The following CLASP2 variants were observed in gnomAD, a reference collection of about 807,000 sequenced individuals.
The protein encoded by CLASP2 is cytoplasmic linker associated protein 2, also known as CLIP-associating protein 2.
CLASP2 carries 47 observed loss-of-function variants against 194.4 expected under a neutral mutation model. That is an observed-to-expected ratio of 0.24 (90% CI 0.19 to 0.31). CLASP2 has a LOEUF of 0.31. Ranked by LOEUF, CLASP2 falls within the 10% of genes least tolerant of loss-of-function variation. The pLI is 1.00. For synonymous variants in CLASP2, 619 were observed against 633.5 expected (o/e 0.98, Z 0.34); for missense variants, 1,445 against 1,823.6 (o/e 0.79, Z 3.78).
intron 1 of CLASP2, among the ~76,000 whole-genome samples, chr3:33,715,828 T>C (rs1387844125): frequency 7.6e-6 from 1 of 132,034 alleles, no homozygotes; most frequent in African/African-American, 2.9e-5. Context: ...CAGTTAAGTA[T>C]GTTTTATTGT....
chr3:33,578,480 A>C (rs898739432), intron 23 of CLASP2, among the ~76,000 whole-genome samples: 1 of 152,220 alleles, frequency 6.6e-6, no homozygotes, highest in Non-Finnish European at 1.5e-5. Flanking sequence ...GATATATTAG[A>C]GCAGTTAAAA....
chr3:33,581,792 A>ATT (rs778617585), intron 23 of CLASP2, 29 bp downstream of exon 23: 1 of 1,485,366 alleles, frequency 6.7e-7, no homozygotes, highest in Non-Finnish European at 9.4e-7. Flanking sequence ...TGGATAAGCA[A>ATT]TGCACATAAC....
Position 33,532,830 on chromosome 3 carries a change from A to G in CLASP2, c.3787+2403T>C, listed in dbSNP as rs890178861. ...AGGATCCTCCTGGCTCAGCCTCCTGAGTAGCTGGGACTACTGGCACTGGCT... is the reference window on the plus strand; with the variant it reads ...AGGATCCTCCTGGCTCAGCCTCCTGGGTAGCTGGGACTACTGGCACTGGCT... On this transcript the variant is annotated intron_variant, in intron 34 of 38. Transcript: ENST00000682230. Among the ~76,000 whole-genome samples the G allele has an allele frequency of 2.0e-5, 3 of 152,200 alleles. No individual in the cohort carries two copies. In the East Asian group the frequency reaches 5.8e-4, roughly 29 times the overall value.
chr3:33,710,663 G>A lies in CLASP2; in HGVS notation c.195+7145C>T, dbSNP rs138595909. Among the ~76,000 whole-genome samples, 1,163 of 152,288 alleles carry A rather than the reference G, an allele frequency of 7.6e-3. 17 individuals carry two copies. Among genetic ancestry groups the A allele is most frequent in the African/African-American group, 0.026 (1,066 of 41,560 alleles). On this transcript the variant is annotated intron_variant, in intron 1 of 38. Transcript: ENST00000682230. Reference sequence around the variant, plus strand: ...AATTACCGAGGAGTTGGCCAGGCGCGGTGGCTAACGCCTGTAATCCCAGTA... The same window carrying A: ...AATTACCGAGGAGTTGGCCAGGCGCAGTGGCTAACGCCTGTAATCCCAGTA...
At chr3:33,696,053 C>T (rs978153341) in intron 2 of CLASP2, among the ~76,000 whole-genome samples, 23 of 152,128 alleles carry the variant, frequency 1.5e-4, no homozygotes, top group African/African-American at 5.6e-4. Flanking sequence ...GATCAATCTA[C>T]AGACTGTCTA....
chr3:33,614,441 T>G (rs2075750551), intron 12 of CLASP2, among the ~76,000 whole-genome samples: 1 of 152,116 alleles, frequency 6.6e-6, no homozygotes, highest in Non-Finnish European at 1.5e-5. Context: ...CCATGAAAAT[T>G]AACATAAATT....
chr3:33,531,014 A>G (rs1021585671), intron 34 of CLASP2, among the ~76,000 whole-genome samples: 7 of 152,212 alleles, frequency 4.6e-5, no homozygotes, highest in African/African-American at 1.7e-4. Flanking sequence ...GTGACAGCAA[A>G]TAGTCACAAC....
chr3:33,630,055 T>C (rs2078788031), intron 9 of CLASP2, among the ~76,000 whole-genome samples: 1 of 152,128 alleles, frequency 6.6e-6, no homozygotes, highest in South Asian at 2.1e-4. Flanking sequence ...AATTAATGAC[T>C]TTGGAAACGT....
At chr3:33,618,424 C>G (rs2076572310) in intron 12 of CLASP2, among the ~76,000 whole-genome samples, 1 of 152,012 alleles carries the variant, frequency 6.6e-6, no homozygotes, top group Non-Finnish European at 1.5e-5. Context: ...GCAGGCACAT[C>G]ATTTGAAGCC....
At chr3:33,679,037 T>C (rs545160496) in intron 6 of CLASP2, among the ~76,000 whole-genome samples, 4 of 152,334 alleles carry the variant, frequency 2.6e-5, no homozygotes, top group Admixed American at 6.5e-5. Flanking sequence ...AGTGTAGTAT[T>C]AGTGAAAGAA....
At chr3:33,629,386 A>G (rs1335913156) in intron 9 of CLASP2, among the ~76,000 whole-genome samples, 1 of 152,196 alleles carries the variant, frequency 6.6e-6, no homozygotes, top group African/African-American at 2.4e-5. Context: ...AAGAAGGACC[A>G]TGTTTCTGGA....
chr3:33,558,053 T>C (rs187791160), intron 29 of CLASP2, among the ~76,000 whole-genome samples: 4 of 152,320 alleles, frequency 2.6e-5, no homozygotes, highest in Admixed American at 2.6e-4. Context: ...CAGAGACAAA[T>C]ACATTTACTT....
chr3:33,515,868 A>G (rs2051175552), intron 36 of CLASP2, among the ~76,000 whole-genome samples, 155 bp downstream of exon 36: 1 of 152,226 alleles, frequency 6.6e-6, no homozygotes, highest in African/African-American at 2.4e-5. Flanking sequence ...AATTCATTTA[A>G]TAGAAAAAAA....
intron 1 of CLASP2, among the ~76,000 whole-genome samples, chr3:33,717,107 T>C (rs1210010490): frequency 6.6e-6 from 1 of 152,172 alleles, no homozygotes; most frequent in African/African-American, 2.4e-5. Context: ...TCGCACCTCA[T>C]CTTTGTAACT....
At chr3:33,677,630 A>G (rs1357654537) in intron 6 of CLASP2, among the ~76,000 whole-genome samples, 1 of 151,076 alleles carries the variant, frequency 6.6e-6, no homozygotes, top group African/African-American at 2.4e-5. Context: ...GGTGCAGCAC[A>G]CCAGCATGTC....
Position 33,575,882 on chromosome 3 carries a change from G to C in CLASP2, c.2454+287C>G, listed in dbSNP as rs528071726. On this transcript the variant is annotated intron_variant, in intron 24 of 38. Transcript: ENST00000682230. ...GATTTTAAGTGTACATATTTATATA[G>C]TTTATCTCCCTTAAGTATACTATAG... 3.9e-5 allele frequency among the ~76,000 whole-genome samples: 6 copies of C among 152,174 alleles called. No homozygotes were observed. The South Asian group carries it at 1.0e-3, about 26-fold the overall frequency.
intron 6 of CLASP2, among the ~76,000 whole-genome samples, chr3:33,679,753 A>G (rs1465846353): frequency 6.6e-6 from 1 of 152,218 alleles, no homozygotes; most frequent in Non-Finnish European, 1.5e-5. Flanking sequence ...GAGAATGTGA[A>G]GCAATAGGAA....
chr3:33,701,756 C>A (rs901646279), intron 1 of CLASP2, among the ~76,000 whole-genome samples: 5 of 152,182 alleles, frequency 3.3e-5, no homozygotes, highest in Admixed American at 2.6e-4. Context: ...AATTGGATAT[C>A]CATGTGCAAA....
chr3:33,538,575 T>A (rs1576110008), intron 33 of CLASP2, among the ~76,000 whole-genome samples: 1 of 152,150 alleles, frequency 6.6e-6, no homozygotes, highest in Non-Finnish European at 1.5e-5. Context: ...CATCTCTATA[T>A]GAAAATCTAA....
Sources: gnomAD v4.1 joint callset for allele counts (sites outside exome capture counted in the v4.1 genomes callset) on GRCh38, gnomAD v4.1.1 for gene constraint, MANE v1.5 for transcripts, NCBI Gene and HGNC (gene_info 2026-07-23, HGNC 2026-07-21) for gene names.